BLM: variants seen among roughly 807,000 people sequenced by gnomAD.
BLM encodes BLM RecQ like helicase, also known as recQ-like DNA helicase BLM.
BLM carries 95 observed loss-of-function variants against 135.3 expected under a neutral mutation model. The observed-to-expected ratio is 0.70, with a 90% CI of 0.59 to 0.83. The LOEUF (loss-of-function observed/expected upper bound fraction) is 0.83. Ranked by LOEUF, BLM falls within the 40% of genes least tolerant of loss-of-function variation. The pLI is 0.00. For missense variants in BLM, 1,518 were observed against 1,663.9 expected (o/e 0.91, Z 1.53); for synonymous variants, 520 against 589.2 (o/e 0.88, Z 1.70).
intron 1 of BLM, among the ~76,000 whole-genome samples, chr15:90,724,741 A>G (rs2151128150): frequency 1.3e-5 from 2 of 152,272 alleles, no homozygotes; most frequent in East Asian, 3.9e-4. Flanking sequence ...TGCCCTCTCC[A>G]GGCACACCAG....
intron 1 of BLM, among the ~76,000 whole-genome samples, chr15:90,732,985 C>G (rs961852334): frequency 1.3e-5 from 2 of 152,006 alleles, no homozygotes; most frequent in African/African-American, 2.4e-5. Flanking sequence ...CCCAGCTACT[C>G]GGGATGCTGA....
chr15:90,758,902 A>G (rs1277133248), intron 5 of BLM, among the ~76,000 whole-genome samples: 1 of 152,216 alleles, frequency 6.6e-6, no homozygotes, highest in Admixed American at 6.5e-5. Flanking sequence ...TCTTGGTAAC[A>G]GTATATGTTA....
intron 15 of BLM, among the ~76,000 whole-genome samples, chr15:90,792,702 A>G (rs1376899446): frequency 6.6e-6 from 1 of 152,136 alleles, no homozygotes; most frequent in East Asian, 1.9e-4. Context: ...AATGCCTTAC[A>G]TGTATCATCA....
At chr15:90,785,998 CTTTTTTTTTTT>C (rs869185558) in intron 14 of BLM, among the ~76,000 whole-genome samples, 13 of 110,704 alleles carry the variant, frequency 1.2e-4, no homozygotes, top group African/African-American at 3.1e-4. Context: ...TCGTTTCTTT[CTTTTTTTTTTT>C]TTTTTTTTTT....
chr15:90,737,601 A>G (rs910333477), intron 1 of BLM, among the ~76,000 whole-genome samples: 11 of 152,220 alleles, frequency 7.2e-5, no homozygotes, highest in African/African-American at 2.7e-4. Context: ...AGAAAACAAG[A>G]GACATTAGAG....
intron 12 of BLM, among the ~76,000 whole-genome samples, chr15:90,782,588 C>T (rs1465890123): frequency 6.6e-6 from 1 of 152,142 alleles, no homozygotes; most frequent in Non-Finnish European, 1.5e-5. Flanking sequence ...GTAGTATTCT[C>T]TTTGCATACT....
At chr15:90,742,607 T>TC (rs57953275) in intron 1 of BLM, among the ~76,000 whole-genome samples, 183 of 149,888 alleles carry the variant, frequency 1.2e-3, no homozygotes, top group African/African-American at 3.9e-3. Flanking sequence ...TCTCTCTCTC[T>TC]TTTTTTTTTA....
intron 1 of BLM, among the ~76,000 whole-genome samples, chr15:90,723,714 A>G (rs190186078): frequency 3.3e-5 from 5 of 152,274 alleles, no homozygotes; most frequent in Non-Finnish European, 7.3e-5. Context: ...CATGTATAGT[A>G]CCACACAGCC....
intron 16 of BLM, among the ~76,000 whole-genome samples, chr15:90,795,302 A>T (rs1700670760): frequency 6.6e-6 from 1 of 152,104 alleles, no homozygotes; most frequent in Admixed American, 6.5e-5. Context: ...AACATGGTGA[A>T]ACCTTGTCTC....
At chr15:90,787,254 C>G (rs563038725) in intron 14 of BLM, among the ~76,000 whole-genome samples, 9 of 151,754 alleles carry the variant, frequency 5.9e-5, no homozygotes, top group Non-Finnish European at 1.0e-4. Flanking sequence ...AGGGTTTCAC[C>G]ACGTTAGCCA....
At chr15:90,792,006 A>G (rs1896915810) in intron 15 of BLM, among the ~76,000 whole-genome samples, 1 of 152,112 alleles carries the variant, frequency 6.6e-6, no homozygotes, top group Admixed American at 6.5e-5. Context: ...GAATTTTATT[A>G]CATTCTTTGC....
At chr15:90,813,133 G>GC (rs1383674019) in intron 21 of BLM, among the ~76,000 whole-genome samples, 2 of 152,158 alleles carry the variant, frequency 1.3e-5, no homozygotes, top group African/African-American at 4.8e-5. Flanking sequence ...GCCCACACCT[G>GC]CCCAGAGCAC....
At chr15:90,727,174 T>G (rs557056301) in intron 1 of BLM, among the ~76,000 whole-genome samples, 1 of 152,252 alleles carries the variant, frequency 6.6e-6, no homozygotes, top group South Asian at 2.1e-4. Context: ...GTTTTTGTTT[T>G]TTTAATTTTT....
In BLM at chr15:90,749,423, T is replaced by C; in HGVS notation, c.155T>C (p.Val52Ala). 6.2e-7 allele frequency: 1 copy of C among 1,610,966 alleles called. No individual in the cohort carries two copies. Among genetic ancestry groups the C allele is most frequent in the Non-Finnish European group, 8.5e-7 (1 of 1,177,140 alleles). ...SSDNNVSVTNVSVAKTPVLRN... is the reference protein window; with the variant it reads ...SSDNNVSVTNASVAKTPVLRN... ...GATAACAATGTATCTGTAACTAATGTGTCAGTAGCAAAAACACCTGTATTA... is the reference window on the plus strand; with the variant it reads ...GATAACAATGTATCTGTAACTAATGCGTCAGTAGCAAAAACACCTGTATTA... The change falls in exon 3 of 22, where the codon GTG becomes GCG. Residue 52 changes from valine to alanine, a missense_variant. This residue lies in a region of BLM where 724 missense variants were observed against 756.9 expected (regional missense o/e 0.96). Coordinates refer to ENST00000355112, the MANE Select transcript of BLM (RefSeq NM_000057.4).
Position 90,769,236 on chromosome 15 carries a change from A to G in BLM, c.2406+5A>G, listed in dbSNP as rs763104913. On this transcript the variant is annotated splice_donor_5th_base_variant and intron_variant, in intron 11 of 21. Transcript: ENST00000355112. Reference sequence around the variant, plus strand: ...GAAGCACATTGTGTCAGTCAGGTAAATACTGTTTTTTATATCCGGAAATAC... The same window carrying G: ...GAAGCACATTGTGTCAGTCAGGTAAGTACTGTTTTTTATATCCGGAAATAC... The G allele has an allele frequency of 1.2e-6, 2 of 1,603,678 alleles. No homozygotes were observed.
At chr15:90,742,028 C>G (rs942168358) in intron 1 of BLM, among the ~76,000 whole-genome samples, 2 of 152,002 alleles carry the variant, frequency 1.3e-5, no homozygotes, top group Non-Finnish European at 2.9e-5. Context: ...ATATATGAAT[C>G]AAGAAGTTTA....
chr15:90,765,336 T>A lies in BLM; in HGVS notation c.2115T>A (p.Val705=), dbSNP rs142787700. Residue 705 remains valine, a synonymous_variant, in exon 9 of 22, where the codon GTT becomes GTA. Coordinates refer to ENST00000355112, the MANE Select transcript of BLM (RefSeq NM_000057.4). The stretch of plus-strand genomic sequence containing the variant: ...TGTGTTACCAGCTCCCTGCCTGTGT[T>A]TCTCCTGGGGTCACTGTTGTCATTT... The part of the protein sequence containing the change: ...KSLCYQLPAC[V]SPGVTVVISP... 1.2e-6 allele frequency: 2 copies of A among 1,613,940 alleles called. No homozygotes were observed. Among genetic ancestry groups the A allele is most frequent in the African/African-American group, 2.7e-5 (2 of 75,036 alleles).
At chr15:90,745,985 G>A (rs1179335616) in intron 1 of BLM, among the ~76,000 whole-genome samples, 3 of 152,112 alleles carry the variant, frequency 2.0e-5, no homozygotes, top group Admixed American at 6.5e-5. Context: ...AGCTGAGGTG[G>A]GAGGATCACT....
Position 90,815,175 on chromosome 15 carries a change from C to A in BLM, c.4150C>A (p.His1384Asn). 6.2e-7 allele frequency: 1 copy of A among 1,614,200 alleles called. No individual in the cohort carries two copies. The highest frequency in any genetic ancestry group is 8.5e-7 in the Non-Finnish European group (1 of 1,180,032). Residue 1384 changes from histidine (H) to asparagine (N), a missense_variant, in exon 22 of 22, where the codon CAT (histidine) becomes AAT (asparagine). Around this residue, in one of 5 missense-constraint regions of BLM, gnomAD observed 153 missense variants for 173.4 expected, o/e 0.88. Coordinates refer to ENST00000355112, the MANE Select transcript of BLM (RefSeq NM_000057.4). This position sits in a 1 kb window ranked among gnomAD's most constrained non-coding sequence, Gnocchi z 4.6. Reference protein sequence around the residue: ...SSIIGSSSASHTSQATSGANS... With the variant: ...SSIIGSSSASNTSQATSGANS... ...CATCATTGGATCCAGTTCAGCCTCACATACTTCTCAAGCGACATCAGGAGC... is the reference window on the plus strand; with the variant it reads ...CATCATTGGATCCAGTTCAGCCTCAAATACTTCTCAAGCGACATCAGGAGC...
Sources: gnomAD v4.1 joint callset for allele counts (sites outside exome capture counted in the v4.1 genomes callset) on GRCh38, gnomAD v4.1.1 for gene constraint, gnomAD v4.1.1 regional missense constraint, Gnocchi (gnomAD v3.1) non-coding constraint, MANE v1.5 for transcripts, NCBI Gene and HGNC (gene_info 2026-07-23, HGNC 2026-07-21) for gene names.